Variants in ZBTB4 observed in about 807,000 individuals in gnomAD.
ZBTB4 encodes the protein zinc finger and BTB domain-containing protein 4.
A neutral mutation model predicts 59.8 loss-of-function variants in ZBTB4; 14 were observed. That is an observed-to-expected ratio of 0.23 (90% confidence interval 0.15 to 0.37). ZBTB4 has a LOEUF of 0.37. Among genes scored for constraint, ZBTB4 ranks in the 10% least tolerant of loss-of-function variants. ZBTB4 has a pLI of 1.00. For synonymous variants in ZBTB4, 587 were observed against 575.2 expected (o/e 1.02, Z -0.29); for missense variants, 1,198 against 1,380.8 (o/e 0.87, Z 2.10).
intron 1 of ZBTB4, among the ~76,000 whole-genome samples, chr17:7,471,881 G>A (rs2070201676): frequency 6.6e-6 from 1 of 152,140 alleles, no homozygotes; most frequent in Non-Finnish European, 1.5e-5. Flanking sequence ...TAGGTTTGGT[G>A]GCTCTGTGGT....
At chr17:7,475,538 G>A (rs2070257887) in intron 1 of ZBTB4, among the ~76,000 whole-genome samples, 1 of 151,864 alleles carries the variant, frequency 6.6e-6, no homozygotes, top group Non-Finnish European at 1.5e-5. Flanking sequence ...TGCAACCTCC[G>A]TCTCCTGGGT....
At chr17:7,464,609 T>G (rs1357251277) in intron 3 of ZBTB4, among the ~76,000 whole-genome samples, 1 of 150,558 alleles carries the variant, frequency 6.6e-6, no homozygotes, top group African/African-American at 2.4e-5. Flanking sequence ...AGGCTGAGGT[T>G]GGCGAATCAC....
At chr17:7,476,861 G>C (rs1489796414) in intron 1 of ZBTB4, among the ~76,000 whole-genome samples, 2 of 152,198 alleles carry the variant, frequency 1.3e-5, no homozygotes, top group Admixed American at 1.3e-4. Context: ...GTGTTGGAGG[G>C]AGTTGCACAG....
In ZBTB4 at chr17:7,463,763, G is replaced by C. The variant is rs1472822473; in HGVS notation, c.1219C>G (p.Pro407Ala). 4 of 1,614,118 alleles carry C rather than the reference G, an allele frequency of 2.5e-6. No homozygotes were observed. The highest frequency in any genetic ancestry group is 3.4e-6 in the Non-Finnish European group (4 of 1,180,030). Residue 407 changes from proline (P) to alanine (A), a missense_variant, in exon 4 of 4, where the codon CCC becomes GCC. By Grantham distance (27) the Pro-to-Ala change is conservative. Coordinates refer to ENST00000380599, the MANE Select transcript of ZBTB4 (RefSeq NM_001128833.2). ...TAGAGCTTGAGTGTATTGAGCTTGG[G>C]CTTGTAGCCTCCATTGGGTGTCTTC... ...SEKTPNGGYKPKLNTLKLYRL... is the reference protein window; with the variant it reads ...SEKTPNGGYKAKLNTLKLYRL...
rs1257553478 is a variant in ZBTB4, at chr17:7,462,217, T to A, written c.2765A>T (p.Tyr922Phe). 6.2e-7 allele frequency: 1 copy of A among 1,613,600 alleles called. No individual in the cohort carries two copies. Among genetic ancestry groups the A allele is most frequent in the Non-Finnish European group, 8.5e-7 (1 of 1,179,802 alleles). ...AAKVTFYPEPYPLVYGPQLLA... is the reference protein window; with the variant it reads ...AAKVTFYPEPFPLVYGPQLLA... ...GAGCTGGGGGCCATAGACGAGCGGG[T>A]AGGGCTCAGGGTAGAAAGTGACTTT... Residue 922 changes from tyrosine (Y) to phenylalanine (F), a missense_variant, in exon 4 of 4, where the codon TAC becomes TTC. Coordinates refer to ENST00000380599, the MANE Select transcript of ZBTB4 (RefSeq NM_001128833.2). The surrounding 1 kb of genome is among the most constrained non-coding windows in gnomAD (Gnocchi z 7.5).
chr17:7,462,039 T>G lies in ZBTB4; in HGVS notation c.2943A>C (p.Pro981=). ...GAAGAGTTGGGGGAGGTGGTGTTGG[T>G]GGGGCAGGGGGTGCTGCTTGAGGAT... ...AVNPQAAPPA[P]PTPPPPTLPP... The change falls in exon 4 of 4, where the codon CCA becomes CCC. Residue 981 remains proline, a synonymous_variant. Coordinates refer to ENST00000380599, the MANE Select transcript of ZBTB4 (RefSeq NM_001128833.2). This position sits in a 1 kb window ranked among gnomAD's most constrained non-coding sequence, Gnocchi z 7.5. The G allele has an allele frequency of 6.2e-7, 1 of 1,601,916 alleles. No individual in the cohort carries two copies. The highest frequency in any genetic ancestry group is 8.5e-7 in the Non-Finnish European group (1 of 1,173,738).
At chr17:7,481,857 A>G, upstream of ZBTB4, 1 of 1,320,564 alleles carries the variant, frequency 7.6e-7, no homozygotes, top group South Asian at 1.5e-5. Flanking sequence ...CTAGCTCCGA[A>G]GAGTTCCTCA....
Position 7,461,838 on chromosome 17 carries a change from A to T in ZBTB4, c.*102T>A. ...AGGGGCCCCCAAGTCCCTGCACAAG[A>T]GTGTGAAGGGGCTCCCAAGGGGCAG... On this transcript the variant is annotated 3_prime_UTR_variant, in exon 4 of 4. Transcript: ENST00000380599. The T allele has an allele frequency of 2.8e-6, 3 of 1,077,460 alleles. No individual in the cohort carries two copies. Among genetic ancestry groups the T allele is most frequent in the South Asian group, 1.7e-5 (1 of 59,552 alleles). 66.7% of individuals were successfully genotyped at this position (1,077,460 alleles called of 1,614,324 possible).
chr17:7,469,950 C>T (rs894525369), intron 1 of ZBTB4, among the ~76,000 whole-genome samples: 2 of 151,686 alleles, frequency 1.3e-5, no homozygotes, highest in Non-Finnish European at 2.9e-5. Flanking sequence ...GACGTGGTGG[C>T]AGGCACCTGT....
chr17:7,475,657 T>C (rs1354562748), intron 1 of ZBTB4, among the ~76,000 whole-genome samples: 2 of 152,156 alleles, frequency 1.3e-5, no homozygotes, highest in Non-Finnish European at 2.9e-5. Context: ...AGGCTGGTCT[T>C]GAACTCCTGA....
intron 1 of ZBTB4, among the ~76,000 whole-genome samples, chr17:7,472,195 T>TC (rs2070206906): frequency 6.6e-6 from 1 of 151,836 alleles, no homozygotes; most frequent in Non-Finnish European, 1.5e-5. Context: ...TAACACTTTT[T>TC]CTTTTTTTTT....
At chr17:7,463,920 G>T in intron 3 of ZBTB4, 30 bp from the exon 4 acceptor site, 1 of 1,589,784 alleles carries the variant, frequency 6.3e-7, no homozygotes, top group South Asian at 1.1e-5. Context: ...AATAGGGCAG[G>T]AACACAGGCA....
upstream of ZBTB4, among the ~76,000 whole-genome samples, chr17:7,480,260 G>A (rs548502059): frequency 4.6e-5 from 7 of 152,256 alleles, no homozygotes; most frequent in South Asian, 1.5e-3. Context: ...CAGAGGCCTT[G>A]GTGTCGGCCT....
chr17:7,473,773 A>T (rs1304555073), intron 1 of ZBTB4, among the ~76,000 whole-genome samples: 1 of 151,558 alleles, frequency 6.6e-6, no homozygotes, highest in African/African-American at 2.4e-5. Context: ...TGGTATTGAA[A>T]TCCTGGTCTC....
At chr17:7,481,249 G>A, upstream of ZBTB4, 1 of 308,720 alleles carries the variant, frequency 3.2e-6, no homozygotes, top group East Asian at 5.3e-5. Context: ...AGAATCGCTT[G>A]AATCTGGGAG....
intron 3 of ZBTB4, among the ~76,000 whole-genome samples, chr17:7,465,250 A>G (rs2070101739): frequency 6.6e-6 from 1 of 151,544 alleles, no homozygotes; most frequent in Non-Finnish European, 1.5e-5. Context: ...CGAGGTCAGG[A>G]GTTCAAGACC....
intron 1 of ZBTB4, among the ~76,000 whole-genome samples, chr17:7,474,844 T>C (rs2070247435): frequency 6.6e-6 from 1 of 151,440 alleles, no homozygotes; most frequent in African/African-American, 2.4e-5. Flanking sequence ...AAACCCCATC[T>C]GTACTAAAAA....
chr17:7,474,362 C>A (rs2070240939), intron 1 of ZBTB4, among the ~76,000 whole-genome samples: 1 of 151,748 alleles, frequency 6.6e-6, no homozygotes, highest in African/African-American at 2.4e-5. Context: ...GGACTACGGG[C>A]ATATGCCACC....
chr17:7,463,230 G>T lies in ZBTB4; in HGVS notation c.1752C>A (p.Pro584=). ...AGGGGCCCCGGCCAGCCCCTGTGGGGGGACCCCCACCTCCACCAATCCCGC... is the reference window on the plus strand; with the variant it reads ...AGGGGCCCCGGCCAGCCCCTGTGGGTGGACCCCCACCTCCACCAATCCCGC... ...PVGGIGGGGG[P]PTGAGRGPSQ... The change falls in exon 4 of 4, where the codon CCC becomes CCA. Residue 584 remains proline, a synonymous_variant. Transcript: ENST00000380599. 1 of 1,611,026 alleles carries T rather than the reference G, an allele frequency of 6.2e-7. No individual in the cohort carries two copies.
Sources: gnomAD v4.1 joint callset for allele counts (sites outside exome capture counted in the v4.1 genomes callset) on GRCh38, gnomAD v4.1.1 for gene constraint, Gnocchi (gnomAD v3.1) non-coding constraint, MANE v1.5 for transcripts, NCBI Gene and HGNC (gene_info 2026-07-23, HGNC 2026-07-21) for gene names.